USP47: variants seen among roughly 807,000 people sequenced by gnomAD.
USP47 encodes the protein ubiquitin carboxyl-terminal hydrolase 47.
A neutral mutation model predicts 165.1 loss-of-function variants in USP47; 35 were observed. The observed-to-expected ratio is 0.21, with a 90% CI of 0.16 to 0.28. USP47 has a LOEUF of 0.28. Ranked by LOEUF, USP47 falls within the 10% of genes least tolerant of loss-of-function variation. USP47 has a pLI of 1.00. For synonymous variants in USP47, 531 were observed against 544.5 expected (o/e 0.98, Z 0.35); for missense variants, 1,277 against 1,607.4 (o/e 0.79, Z 3.52).
At chr11:11,943,186 A>C in intron 20 of USP47, 74 bp downstream of exon 20, 1 of 1,484,596 alleles carries the variant, frequency 6.7e-7, no homozygotes, top group Middle Eastern at 1.8e-4. Flanking sequence ...ATTTTCAGTT[A>C]AGTGTTAGGT....
At chr11:11,849,662 T>C (rs1234299511) in intron 1 of USP47, among the ~76,000 whole-genome samples, 1 of 152,232 alleles carries the variant, frequency 6.6e-6, no homozygotes, top group African/African-American at 2.4e-5. Context: ...CTAGAACTTT[T>C]GTGCAGCTGT....
At position 11,930,719 on chromosome 11, in the gene USP47, T is replaced by C. The variant is rs1854606015; in HGVS notation, c.1619T>C (p.Ile540Thr). Residue 540 changes from isoleucine (I) to threonine (T), a missense_variant, in exon 14 of 28, where the codon ATC becomes ACC. Physicochemically the swap from Ile to Thr is moderately conservative, Grantham distance 89. Around this residue, in one of 4 missense-constraint regions of USP47, gnomAD observed 909 missense variants for 1,068.1 expected, o/e 0.85. Transcript: ENST00000527733. Reference sequence around the variant, plus strand: ...AGTTCCACAAATGCATATATGCTGATCTATAGACTGAAGGATCCAGCCAGA... The same window carrying C: ...AGTTCCACAAATGCATATATGCTGACCTATAGACTGAAGGATCCAGCCAGA... ...FASSTNAYML[I>T]YRLKDPARNA... 1.9e-6 allele frequency: 3 copies of C among 1,606,390 alleles called. No individual in the cohort carries two copies. The highest frequency in any genetic ancestry group is 2.5e-6 in the Non-Finnish European group (3 of 1,177,516).
In USP47 at chr11:11,949,944, C is replaced by T; in HGVS notation, c.3404C>T (p.Ser1135Leu). Reference sequence around the variant, plus strand: ...GCTAAAGGAATGACTGTACGGCAATCAAAAGAGGAATTAATTCCTCAGCTC... The same window carrying T: ...GCTAAAGGAATGACTGTACGGCAATTAAAAGAGGAATTAATTCCTCAGCTC... The part of the protein sequence containing the change: ...VFAKGMTVRQ[S>L]KEELIPQLRE... The change falls in exon 23 of 28, where the codon TCA (serine) becomes TTA (leucine). Residue 1135 changes from serine to leucine, a missense_variant. Physicochemically the swap from Ser to Leu is moderately radical, Grantham distance 145. Around this residue, in one of 4 missense-constraint regions of USP47, gnomAD observed 909 missense variants for 1,068.1 expected, o/e 0.85. Transcript: ENST00000527733. 3.1e-6 allele frequency: 5 copies of T among 1,612,980 alleles called. No homozygotes were observed. The highest frequency in any genetic ancestry group is 3.4e-6 in the Non-Finnish European group (4 of 1,179,366).
chr11:11,950,074 A>T, intron 23 of USP47, 70 bp downstream of exon 23: 1 of 1,155,864 alleles, frequency 8.7e-7, no homozygotes, highest in African/African-American at 1.6e-5. Flanking sequence ...GACTGGTATG[A>T]TTTTCTAAAA....
In USP47 at chr11:11,942,461, G is replaced by C. The variant is rs756251222; in HGVS notation, c.2440G>C (p.Val814Leu). The change falls in exon 20 of 28, where the codon GTA becomes CTA. Residue 814 changes from valine to leucine, a missense_variant. Val to Leu is a conservative substitution (Grantham distance 32). Around this residue, in one of 4 missense-constraint regions of USP47, gnomAD observed 909 missense variants for 1,068.1 expected, o/e 0.85. Transcript: ENST00000527733. The stretch of plus-strand genomic sequence containing the variant: ...TGTTTTGCTACCTGAACAATCCCCA[G>C]TATCTTATTCCAAAAGGACAGCATA... Reference protein sequence around the residue: ...LFVLLPEQSPVSYSKRTAYQK... With the variant: ...LFVLLPEQSPLSYSKRTAYQK... 3.8e-5 allele frequency: 62 copies of C among 1,613,460 alleles called. No homozygotes were observed. The highest frequency in any genetic ancestry group is 5.2e-5 in the Non-Finnish European group (61 of 1,179,728).
At chr11:11,935,044 GA>G (rs1291373668) in intron 16 of USP47, among the ~76,000 whole-genome samples, 1 of 152,056 alleles carries the variant, frequency 6.6e-6, no homozygotes, top group Non-Finnish European at 1.5e-5. Flanking sequence ...TGCTGCAGAT[GA>G]ATCAGAATTT....
At chr11:11,911,694 G>A (rs142515725) in intron 8 of USP47, among the ~76,000 whole-genome samples, 1 of 152,200 alleles carries the variant, frequency 6.6e-6, no homozygotes, top group East Asian at 1.9e-4. Flanking sequence ...CTTACTGATA[G>A]GTAGAACAAC....
rs191472308 is a variant in USP47 at position 11,853,361 on chromosome 11, T to C, written c.39+11137T>C. ...TGATATGCAGAGGCATATTCTGTTA[T>C]GAGGTTTATGACACAGATTTTCAAA... On this transcript the variant is annotated intron_variant, in intron 1 of 27. Coordinates refer to ENST00000527733, the MANE Select transcript of USP47 (RefSeq NM_001282659.2). Among the ~76,000 whole-genome samples, 65 of 152,352 alleles carry C rather than the reference T, an allele frequency of 4.3e-4. 1 individual carries two copies. The highest frequency in any genetic ancestry group is 3.5e-3 in the Admixed American group (54 of 15,308).
chr11:11,849,152 C>T (rs1848591378), intron 1 of USP47, among the ~76,000 whole-genome samples: 1 of 152,182 alleles, frequency 6.6e-6, no homozygotes, highest in Middle Eastern at 3.4e-3. Context: ...ATCCTCCTGC[C>T]TCAGCCTCCC....
chr11:11,878,851 T>C (rs1442582301), intron 1 of USP47, among the ~76,000 whole-genome samples: 2 of 152,190 alleles, frequency 1.3e-5, no homozygotes, highest in African/African-American at 2.4e-5. Flanking sequence ...CAAAAAACTT[T>C]GTGGCTATCC....
At chr11:11,916,206 C>T (rs551803733) in intron 8 of USP47, among the ~76,000 whole-genome samples, 11 of 152,168 alleles carry the variant, frequency 7.2e-5, no homozygotes, top group Admixed American at 3.3e-4. Context: ...CCTAGCACTT[C>T]GGGAGGTCAA....
intron 13 of USP47, 126 bp downstream of exon 13, chr11:11,930,246 G>C: frequency 1.3e-6 from 1 of 770,906 alleles, no homozygotes; most frequent in Non-Finnish European, 2.1e-6. Flanking sequence ...AATCCAACCT[G>C]CCTCCATATT....
chr11:11,930,234 C>G (rs924323963), intron 13 of USP47, 114 bp downstream of exon 13: 193 of 846,812 alleles, frequency 2.3e-4, no homozygotes, highest in Non-Finnish European at 3.7e-5. Flanking sequence ...ACCCATGAGC[C>G]AAATCCAACC....
At chr11:11,909,997 A>C (rs1331026413) in intron 8 of USP47, among the ~76,000 whole-genome samples, 1 of 152,174 alleles carries the variant, frequency 6.6e-6, no homozygotes, top group African/African-American at 2.4e-5. Context: ...AAATTTGTCC[A>C]AATATGTAAG....
At chr11:11,931,849 G>T (rs924634725) in intron 14 of USP47, among the ~76,000 whole-genome samples, 1 of 152,046 alleles carries the variant, frequency 6.6e-6, no homozygotes, top group East Asian at 1.9e-4. Flanking sequence ...TACATATGAA[G>T]TTGTAATTAT....
At chr11:11,849,317 T>C (rs1848601188) in intron 1 of USP47, among the ~76,000 whole-genome samples, 1 of 152,220 alleles carries the variant, frequency 6.6e-6, no homozygotes, top group South Asian at 2.1e-4. Context: ...CTTATTAAAT[T>C]AGCCAAGTGG....
At chr11:11,850,446 G>A (rs1169330576) in intron 1 of USP47, among the ~76,000 whole-genome samples, 3 of 144,512 alleles carry the variant, frequency 2.1e-5, no homozygotes, top group African/African-American at 5.1e-5. Flanking sequence ...TATGGATGCA[G>A]TGTCTTATCT....
Position 11,942,354 on chromosome 11 carries a change from A to T in USP47, c.2333A>T (p.Glu778Val). Residue 778 changes from glutamate (E) to valine (V), a missense_variant, in exon 20 of 28, where the codon GAG becomes GTG. Transcript: ENST00000527733. The part of the protein sequence containing the change: ...RSNKVFVESS[E>V]TLDYQMAFAD... ...ATGTAGGTGTTTGTTGAAAGCTCCG[A>T]GACTTTGGATTACCAGATGGCCTTT... The T allele has an allele frequency of 6.2e-7, 1 of 1,601,358 alleles. No homozygotes were observed. The highest frequency in any genetic ancestry group is 8.5e-7 in the Non-Finnish European group (1 of 1,174,690).
intron 1 of USP47, among the ~76,000 whole-genome samples, chr11:11,874,174 A>G (rs1488715917): frequency 6.6e-6 from 1 of 152,210 alleles, no homozygotes; most frequent in East Asian, 1.9e-4. Flanking sequence ...AGGAAATTAA[A>G]TCATTTAAAA....
Sources: gnomAD v4.1 joint callset for allele counts (sites outside exome capture counted in the v4.1 genomes callset) on GRCh38, gnomAD v4.1.1 for gene constraint, gnomAD v4.1.1 regional missense constraint, MANE v1.5 for transcripts, NCBI Gene and HGNC (gene_info 2026-07-23, HGNC 2026-07-21) for gene names.